ZFHX4: variants seen among roughly 807,000 people sequenced by gnomAD.
The protein encoded by ZFHX4 is zinc finger homeobox 4.
A neutral mutation model predicts 267.6 loss-of-function variants in ZFHX4; 56 were observed. The observed-to-expected ratio is 0.21, with a 90% CI of 0.17 to 0.26. The LOEUF is 0.26. ZFHX4 is among the 10% of genes least tolerant of loss of function. The pLI, the probability that ZFHX4 is intolerant of heterozygous loss-of-function variation, is 1.00. For missense variants in ZFHX4, 4,332 were observed against 4,420.0 expected (o/e 0.98, Z 0.56); for synonymous variants, 1,778 against 1,665.6 (o/e 1.07, Z -1.64).
Position 76,820,260 on chromosome 8 carries a change from T to A in ZFHX4, c.3326-13078T>A, listed in dbSNP as rs548113658. Among the ~76,000 whole-genome samples, 7 of 152,336 alleles carry A rather than the reference T, an allele frequency of 4.6e-5. No homozygotes were observed. The South Asian group carries it at 1.2e-3, about 27-fold the overall frequency. ...ATCGTCATCCTTCCAAACACACTTT[T>A]TATTTTTTTCAGATTACCGTATATT... On this transcript the variant is annotated intron_variant, in intron 4 of 10. Transcript: ENST00000651372.
intron 5 of ZFHX4, 105 bp downstream of exon 5, chr8:76,833,511 A>C: frequency 1.2e-6 from 1 of 831,116 alleles, no homozygotes. Flanking sequence ...TTCTCTAATT[A>C]GATCTGATCA....
chr8:76,850,240 C>A lies in ZFHX4; in HGVS notation c.3847-5C>A, dbSNP rs1392090442. 6.2e-7 allele frequency: 1 copy of A among 1,608,678 alleles called. No individual in the cohort carries two copies. The highest frequency in any genetic ancestry group is 8.5e-7 in the Non-Finnish European group (1 of 1,177,838). ...ATTTAACATAAACCCCTTTGGTTTC[C>A]AAAGGTGCCTGTCCCTGATGTGATG... On this transcript the variant is annotated splice_polypyrimidine_tract_variant and splice_region_variant and intron_variant, in intron 8 of 10. Coordinates refer to ENST00000651372, the MANE Select transcript of ZFHX4 (RefSeq NM_024721.5).
rs766993735 is a variant in ZFHX4, at chr8:76,851,869, T to C, written c.4948T>C (p.Leu1650=). The change falls in exon 10 of 11, where the codon TTA becomes CTA. Residue 1650 remains leucine (L), a synonymous_variant. Coordinates refer to ENST00000651372, the MANE Select transcript of ZFHX4 (RefSeq NM_024721.5). ...TGTCAACAGCCCTGGCCAGGGGATG[T>C]TAGATTCCATGAGTTTAGCAGCTGT... The part of the protein sequence containing the change: ...ANVNSPGQGM[L]DSMSLAAVNS... 2.3e-5 allele frequency: 37 copies of C among 1,613,894 alleles called. No homozygotes were observed. Among genetic ancestry groups the C allele is most frequent in the Non-Finnish European group, 2.8e-5 (33 of 1,179,846 alleles).
At chr8:76,830,912 C>A (rs16939374) in intron 4 of ZFHX4, among the ~76,000 whole-genome samples, 1 of 152,124 alleles carries the variant, frequency 6.6e-6, no homozygotes, top group Non-Finnish European at 1.5e-5. Flanking sequence ...TTTGCTAAGA[C>A]TAGGAAAACC....
intron 1 of ZFHX4, among the ~76,000 whole-genome samples, chr8:76,684,119 G>A (rs958137610): frequency 6.6e-6 from 1 of 151,582 alleles, no homozygotes; most frequent in African/African-American, 2.4e-5. Context: ...TGAAAAGGGT[G>A]GTTTAAATAA....
intron 4 of ZFHX4, among the ~76,000 whole-genome samples, chr8:76,820,804 G>C (rs576894300): frequency 6.6e-6 from 1 of 152,222 alleles, no homozygotes; most frequent in African/African-American, 2.4e-5. Flanking sequence ...AAAAGTAATG[G>C]TGTTGGCTCA....
At chr8:76,835,231 A>ATATATATACG (rs1812048224) in intron 5 of ZFHX4, among the ~76,000 whole-genome samples, 1 of 124,790 alleles carries the variant, frequency 8.0e-6, no homozygotes, top group Admixed American at 8.4e-5. Flanking sequence ...ATATATATAT[A>ATATATATACG]TATATATATG....
intron 5 of ZFHX4, among the ~76,000 whole-genome samples, chr8:76,833,913 A>G (rs974718584): frequency 6.6e-5 from 10 of 152,166 alleles, no homozygotes; most frequent in Non-Finnish European, 1.2e-4. Flanking sequence ...TGACCCCTGT[A>G]AACCAGTGAT....
intron 10 of ZFHX4, among the ~76,000 whole-genome samples, chr8:76,862,382 G>A (rs747859143): frequency 3.9e-5 from 6 of 152,168 alleles, no homozygotes; most frequent in Non-Finnish European, 8.8e-5. Context: ...TGCAGTTCCT[G>A]TCAAGTACCC....
intron 1 of ZFHX4, among the ~76,000 whole-genome samples, chr8:76,694,705 C>A (rs1302840194): frequency 8.4e-6 from 1 of 118,930 alleles, no homozygotes; most frequent in Non-Finnish European, 1.8e-5. Context: ...CCCGCCTCTG[C>A]CCCCGCCCCC....
In ZFHX4 at chr8:76,681,351, T is replaced by C. The variant is rs1393579487; in HGVS notation, c.-316T>C. 7.5e-6 allele frequency: 3 copies of C among 398,804 alleles called. No homozygotes were observed. The highest frequency in any genetic ancestry group is 1.3e-5 in the Non-Finnish European group (3 of 226,048). 24.7% of individuals were successfully genotyped at this position (398,804 alleles called of 1,614,324 possible). A position where few individuals can be genotyped will look rare whatever the true frequency, so the allele number is the denominator to read the frequency against. ...CATATCGGATTTTCATTTCCTTTCC[T>C]CCTTTTCCCAACCCCTTCACAACCA... On this transcript the variant is annotated 5_prime_UTR_variant, in exon 1 of 11. Coordinates refer to ENST00000651372, the MANE Select transcript of ZFHX4 (RefSeq NM_024721.5).
chr8:76,770,258 G>A (rs1265368066), intron 3 of ZFHX4, among the ~76,000 whole-genome samples: 1 of 152,038 alleles, frequency 6.6e-6, no homozygotes, highest in Non-Finnish European at 1.5e-5. Context: ...TTCCCCCAAC[G>A]TGTCCTTTAT....
In ZFHX4 at chr8:76,864,843, A is replaced by G. The variant is rs1334652562; in HGVS notation, c.*278A>G. 8.7e-6 allele frequency: 2 copies of G among 229,804 alleles called. No individual in the cohort carries two copies. Among genetic ancestry groups the G allele is most frequent in the Non-Finnish European group, 1.7e-5 (2 of 118,398 alleles). The allele number at this position is 229,804 out of a possible 1,614,324, so 14.2% of individuals were successfully genotyped here. ...TCTTTTGGAACTTGTTTCAAGCCAA[A>G]AACTCTCAAGAAAGCAAATTGCACC... On this transcript the variant is annotated 3_prime_UTR_variant, in exon 11 of 11. Transcript: ENST00000651372.
chr8:76,791,268 C>CT (rs1438110889), intron 4 of ZFHX4, among the ~76,000 whole-genome samples: 1 of 152,132 alleles, frequency 6.6e-6, no homozygotes, highest in Non-Finnish European at 1.5e-5. Flanking sequence ...TCACACAGCA[C>CT]TGCTGATTCT....
At chr8:76,710,273 T>C (rs947979261) in intron 3 of ZFHX4, among the ~76,000 whole-genome samples, 45 of 152,172 alleles carry the variant, frequency 3.0e-4, no homozygotes, top group Non-Finnish European at 5.9e-4. Flanking sequence ...TCAAGAAACA[T>C]TCATTATTTC....
intron 1 of ZFHX4, among the ~76,000 whole-genome samples, chr8:76,695,738 T>C (rs1375058470): frequency 6.6e-6 from 1 of 152,240 alleles, no homozygotes; most frequent in Non-Finnish European, 1.5e-5. Flanking sequence ...TTTACAGTGT[T>C]AAAGTGAAAT....
intron 3 of ZFHX4, among the ~76,000 whole-genome samples, chr8:76,731,194 G>A (rs1401032595): frequency 1.3e-5 from 2 of 152,180 alleles, no homozygotes; most frequent in African/African-American, 4.8e-5. Context: ...TCTGAAGAGT[G>A]TGTCCATACC....
intron 1 of ZFHX4, among the ~76,000 whole-genome samples, chr8:76,684,973 G>T (rs1281719749): frequency 2.0e-5 from 3 of 152,178 alleles, no homozygotes; most frequent in Non-Finnish European, 4.4e-5. Context: ...GCACTGGATG[G>T]ATGAGAATTG....
chr8:76,797,140 G>C (rs181270732), intron 4 of ZFHX4, among the ~76,000 whole-genome samples: 4 of 152,280 alleles, frequency 2.6e-5, no homozygotes, highest in Admixed American at 6.5e-5. Flanking sequence ...TCTGTGTCTT[G>C]TGAGTATGGC....
Sources: gnomAD v4.1 joint callset for allele counts (sites outside exome capture counted in the v4.1 genomes callset) on GRCh38, gnomAD v4.1.1 for gene constraint, MANE v1.5 for transcripts, NCBI Gene and HGNC (gene_info 2026-07-23, HGNC 2026-07-21) for gene names.